Variants in TMEM132C observed in about 807,000 individuals in gnomAD.
The protein encoded by TMEM132C is transmembrane protein 132C, also known as protein phosphatase 1, regulatory subunit 152.
TMEM132C carries 29 observed loss-of-function variants against 61.4 expected under a neutral mutation model. The ratio of observed to expected loss-of-function variants is 0.47; its 90% confidence interval spans 0.35 to 0.64. TMEM132C has a LOEUF of 0.64. Ranked by LOEUF, TMEM132C falls within the 30% of genes least tolerant of loss-of-function variation. The probability of loss-of-function intolerance (pLI) is 0.00; values close to 1 mark genes in which losing one functional copy is unlikely to be tolerated. For synonymous variants in TMEM132C, 656 were observed against 633.1 expected (o/e 1.04, Z -0.54); for missense variants, 1,408 against 1,476.9 (o/e 0.95, Z 0.76).
At chr12:128,401,195 G>A (rs1427770647) in intron 1 of TMEM132C, among the ~76,000 whole-genome samples, 1 of 152,050 alleles carries the variant, frequency 6.6e-6, no homozygotes, top group East Asian at 1.9e-4. Context: ...GTTGATTTTT[G>A]TCTTCTAGCC....
At chr12:128,369,848 ATTTGTTCCTAT>A (rs1873978091) in intron 1 of TMEM132C, among the ~76,000 whole-genome samples, 1 of 152,082 alleles carries the variant, frequency 6.6e-6, no homozygotes. Context: ...TTGGTTCCTC[ATTTGTTCCTAT>A]TTTGGAGACC....
chr12:128,306,908 A>G (rs1871802208), intron 1 of TMEM132C, among the ~76,000 whole-genome samples: 2 of 152,216 alleles, frequency 1.3e-5, no homozygotes, highest in South Asian at 2.1e-4. Context: ...GAGTGAACCC[A>G]TGTTCTTTAG....
At chr12:128,392,780 A>G (rs1465068872) in intron 1 of TMEM132C, among the ~76,000 whole-genome samples, 2 of 135,834 alleles carry the variant, frequency 1.5e-5, no homozygotes, top group Non-Finnish European at 3.2e-5. Context: ...ATGATAGCTG[A>G]TGAGCTAAAA....
intron 2 of TMEM132C, among the ~76,000 whole-genome samples, chr12:128,487,268 C>T (rs1444984420): frequency 6.6e-6 from 1 of 152,184 alleles, no homozygotes; most frequent in Admixed American, 6.5e-5. Context: ...TTCTAATCAG[C>T]CCCTTCAAGC....
chr12:128,381,223 A>T (rs1874387009), intron 1 of TMEM132C, among the ~76,000 whole-genome samples: 1 of 152,174 alleles, frequency 6.6e-6, no homozygotes, highest in East Asian at 1.9e-4. Context: ...GCACCGCCTT[A>T]TTGGGGGAAT....
At chr12:128,494,750 T>A (rs1269259687) in intron 2 of TMEM132C, among the ~76,000 whole-genome samples, 10 of 152,108 alleles carry the variant, frequency 6.6e-5, no homozygotes, top group Non-Finnish European at 1.5e-4. Flanking sequence ...TCTTCATTAG[T>A]CTTGCTAGCG....
intron 4 of TMEM132C, among the ~76,000 whole-genome samples, chr12:128,665,289 GCACT>G (rs1010423497): frequency 3.3e-5 from 4 of 120,908 alleles, no homozygotes; most frequent in African/African-American, 1.7e-4. Flanking sequence ...GCACACACAG[GCACT>G]CACACATACA....
intron 3 of TMEM132C, among the ~76,000 whole-genome samples, chr12:128,552,998 G>A (rs374025121): frequency 2.4e-4 from 36 of 152,334 alleles, no homozygotes; most frequent in African/African-American, 7.9e-4. Flanking sequence ...TTGCCTTGGA[G>A]GTTAGAGAAA....
chr12:128,345,042 C>A (rs1355915706), intron 1 of TMEM132C, among the ~76,000 whole-genome samples: 1 of 151,356 alleles, frequency 6.6e-6, no homozygotes, highest in African/African-American at 2.4e-5. Context: ...AGCTATTCTT[C>A]CTGATCCTCT....
At chr12:128,616,939 A>G (rs904526901) in intron 4 of TMEM132C, among the ~76,000 whole-genome samples, 14 of 152,386 alleles carry the variant, frequency 9.2e-5, no homozygotes, top group Non-Finnish European at 1.8e-4. Context: ...TGTGTGAATC[A>G]TGCTATGAGA....
intron 2 of TMEM132C, among the ~76,000 whole-genome samples, chr12:128,424,356 G>A (rs958122124): frequency 6.6e-6 from 1 of 151,004 alleles, no homozygotes; most frequent in Admixed American, 6.6e-5. Context: ...AGCAAAATGT[G>A]ATATTTACAT....
At chr12:128,440,800 G>T (rs763240480) in intron 2 of TMEM132C, among the ~76,000 whole-genome samples, 8 of 152,184 alleles carry the variant, frequency 5.3e-5, no homozygotes, top group Non-Finnish European at 1.0e-4. Flanking sequence ...TGTAATCCCA[G>T]CACTTTGGGA....
intron 2 of TMEM132C, among the ~76,000 whole-genome samples, chr12:128,495,376 A>G (rs1871906894): frequency 6.6e-6 from 1 of 151,996 alleles, no homozygotes; most frequent in African/African-American, 2.4e-5. Flanking sequence ...GCTGAGTTCA[A>G]TTCCTGGATA....
At chr12:128,654,467 C>T (rs543705007) in intron 4 of TMEM132C, among the ~76,000 whole-genome samples, 2 of 152,280 alleles carry the variant, frequency 1.3e-5, no homozygotes, top group South Asian at 4.2e-4. Context: ...CGTTGTATGC[C>T]ATCCCGTTTG....
At chr12:128,600,590 C>G (rs947954201) in intron 3 of TMEM132C, among the ~76,000 whole-genome samples, 12 of 152,166 alleles carry the variant, frequency 7.9e-5, no homozygotes, top group Non-Finnish European at 1.6e-4. Context: ...AGCTGGGCAC[C>G]ACAGGGGGCA....
chr12:128,360,201 G>A (rs80168959), intron 1 of TMEM132C, among the ~76,000 whole-genome samples: 2,185 of 151,330 alleles, frequency 0.014, 55 homozygotes, highest in African/African-American at 0.05. Flanking sequence ...AATCAAATGC[G>A]AAGTGAGTAA....
At chr12:128,455,125 A>T (rs1482406329) in intron 2 of TMEM132C, among the ~76,000 whole-genome samples, 3 of 152,206 alleles carry the variant, frequency 2.0e-5, no homozygotes, top group Non-Finnish European at 4.4e-5. Context: ...TGCTGTGACT[A>T]CAGAGTGTCA....
At chr12:128,606,314 G>A (rs568868454) in intron 3 of TMEM132C, among the ~76,000 whole-genome samples, 9 of 152,178 alleles carry the variant, frequency 5.9e-5, no homozygotes, top group African/African-American at 1.4e-4. Flanking sequence ...CCCCTCCCCC[G>A]TGTGGCCAGG....
intron 1 of TMEM132C, among the ~76,000 whole-genome samples, chr12:128,413,298 C>CAAAAAA (rs56026776): frequency 0.018 from 1,088 of 60,070 alleles, 94 homozygotes; most frequent in East Asian, 0.029. Context: ...GACTCTGTCT[C>CAAAAAA]AAAAAAAAAA....
Sources: gnomAD v4.1 joint callset for allele counts (sites outside exome capture counted in the v4.1 genomes callset) on GRCh38, gnomAD v4.1.1 for gene constraint, MANE v1.5 for transcripts, NCBI Gene and HGNC (gene_info 2026-07-23, HGNC 2026-07-21) for gene names.